Variants in TUSC3 observed in about 807,000 individuals in gnomAD.
TUSC3 encodes the protein tumor suppressor candidate 3, also known as dolichyl-diphosphooligosaccharide--protein glycosyltransferase subunit TUSC3.
TUSC3 carries 45 observed loss-of-function variants against 44.8 expected under a neutral mutation model. The observed-to-expected ratio is 1.00, with a 90% confidence interval of 0.79 to 1.29. TUSC3 has a LOEUF of 1.29. Among genes scored for constraint, TUSC3 ranks in the 50% most tolerant of loss-of-function variants. The pLI, the probability that TUSC3 is intolerant of heterozygous loss-of-function variation, is 0.00. For missense variants in TUSC3, 519 were observed against 437.9 expected, an observed-to-expected ratio of 1.19 and a Z score of -1.65; for synonymous variants, 212 against 152.9, an observed-to-expected ratio of 1.39 and a Z score of -2.85.
At chr8:15,550,290 C>T (rs1027734576) in intron 1 of TUSC3, among the ~76,000 whole-genome samples, 4 of 151,696 alleles carry the variant, frequency 2.6e-5, no homozygotes, top group African/African-American at 9.7e-5. Flanking sequence ...TGGGTGGTCT[C>T]CTCCCTTAAT....
the TUSC3 span, among the ~76,000 whole-genome samples, chr8:15,788,788 C>A: frequency 6.6e-6 from 1 of 152,084 alleles, no homozygotes; most frequent in Admixed American, 6.6e-5. Flanking sequence ...CTGAGAGATG[C>A]TAACATCCTC....
chr8:15,429,583 G>C lies in TUSC3; in HGVS notation n.91+12278G>C, dbSNP rs193216092. 5.3e-5 allele frequency among the ~76,000 whole-genome samples: 8 copies of C among 151,310 alleles called. No individual in the cohort carries two copies. The East Asian group carries it at 1.6e-3, about 29-fold the overall frequency. On this transcript the variant is annotated intron_variant and non_coding_transcript_variant, in intron 1 of 5. Coordinates refer to the TUSC3 transcript ENST00000503191. Reference sequence around the variant, plus strand: ...TGCAGTATGGCCATTTTTTTTTCATGATATTGATTCTTCCTACCCATGAAC... The same window carrying C: ...TGCAGTATGGCCATTTTTTTTTCATCATATTGATTCTTCCTACCCATGAAC...
chr8:15,443,033 C>T (rs374647096), intron 1 of TUSC3, among the ~76,000 whole-genome samples: 1 of 152,218 alleles, frequency 6.6e-6, no homozygotes, highest in Admixed American at 6.5e-5. Context: ...CTTCACTCCA[C>T]TGTGGGCTAT....
intron 2 of TUSC3, among the ~76,000 whole-genome samples, chr8:15,534,163 T>G (rs2129131007): frequency 6.6e-6 from 1 of 152,212 alleles, no homozygotes; most frequent in African/African-American, 2.4e-5. Context: ...TATTTTCCAT[T>G]CACAGCCTTA....
chr8:15,527,560 A>C (rs757766650), intron 2 of TUSC3, among the ~76,000 whole-genome samples: 1 of 152,134 alleles, frequency 6.6e-6, no homozygotes, highest in Non-Finnish European at 1.5e-5. Flanking sequence ...TTATAAAATT[A>C]ATTTGAACTT....
intron 2 of TUSC3, among the ~76,000 whole-genome samples, chr8:15,633,186 C>T (rs1805899048): frequency 6.6e-6 from 1 of 152,120 alleles, no homozygotes; most frequent in South Asian, 2.1e-4. Flanking sequence ...GTGTTTTCTT[C>T]TCTCTTTCCC....
chr8:15,453,928 C>A (rs1480536757), intron 1 of TUSC3, among the ~76,000 whole-genome samples: 1 of 152,128 alleles, frequency 6.6e-6, no homozygotes, highest in African/African-American at 2.4e-5. Context: ...ATTAAGATCT[C>A]AGGAGTTGGG....
At chr8:15,504,261 C>T (rs998662874) in intron 2 of TUSC3, among the ~76,000 whole-genome samples, 5 of 151,872 alleles carry the variant, frequency 3.3e-5, no homozygotes, top group Non-Finnish European at 2.9e-5. Flanking sequence ...AAATAAAGAT[C>T]GCTGGAGATC....
At chr8:15,494,517 C>G (rs1402230999) in intron 2 of TUSC3, among the ~76,000 whole-genome samples, 1 of 152,110 alleles carries the variant, frequency 6.6e-6, no homozygotes, top group Non-Finnish European at 1.5e-5. Context: ...CGGGGTTTCA[C>G]TGTGTTAGCC....
At chr8:15,735,693 T>A (rs1023572607) in intron 7 of TUSC3, among the ~76,000 whole-genome samples, 5 of 152,030 alleles carry the variant, frequency 3.3e-5, no homozygotes, top group African/African-American at 9.7e-5. Context: ...ATATGTTGAT[T>A]TATTTTTTAT....
intron 6 of TUSC3, among the ~76,000 whole-genome samples, chr8:15,697,505 T>C: frequency 6.6e-6 from 1 of 152,182 alleles, no homozygotes; most frequent in South Asian, 2.1e-4. Context: ...TGCCAAGTGC[T>C]GGGGGGTCTA....
At chr8:15,731,992 C>T (rs1810743130) in intron 7 of TUSC3, among the ~76,000 whole-genome samples, 1 of 152,140 alleles carries the variant, frequency 6.6e-6, no homozygotes, top group Non-Finnish European at 1.5e-5. Context: ...AACTCAAAGA[C>T]TTCCTCGTTT....
At chr8:15,808,613 T>C in the TUSC3 span, among the ~76,000 whole-genome samples, 4 of 152,154 alleles carry the variant, frequency 2.6e-5, no homozygotes, top group African/African-American at 9.6e-5. Context: ...GGTAAGAACA[T>C]GGAAGACAGA....
chr8:15,728,834 C>G (rs576718755), intron 6 of TUSC3, among the ~76,000 whole-genome samples: 3 of 152,258 alleles, frequency 2.0e-5, no homozygotes, highest in African/African-American at 7.2e-5. Flanking sequence ...GAACAGCCTT[C>G]TCCTTCCGGA....
chr8:15,630,871 G>T (rs1805731317), intron 2 of TUSC3, among the ~76,000 whole-genome samples: 1 of 152,140 alleles, frequency 6.6e-6, no homozygotes, highest in Admixed American at 6.5e-5. Context: ...TCCTTACAGA[G>T]AGGTCACACC....
At chr8:15,507,419 TTGAAAG>T (rs1243992466) in intron 2 of TUSC3, among the ~76,000 whole-genome samples, 1 of 152,132 alleles carries the variant, frequency 6.6e-6, no homozygotes, top group African/African-American at 2.4e-5. Context: ...AACTGCACAG[TTGAAAG>T]TGGAATATTT....
chr8:15,796,561 C>G, the TUSC3 span, among the ~76,000 whole-genome samples: 1 of 152,170 alleles, frequency 6.6e-6, no homozygotes, highest in Non-Finnish European at 1.5e-5. Flanking sequence ...TTCAACAGCC[C>G]CAGCAGCCTT....
chr8:15,427,750 C>T (rs576508584), intron 1 of TUSC3, among the ~76,000 whole-genome samples: 1 of 152,198 alleles, frequency 6.6e-6, no homozygotes, highest in South Asian at 2.1e-4. Flanking sequence ...GGGTAACTAC[C>T]ACTGCTAACA....
At chr8:15,625,952 A>G (rs192470988) in intron 2 of TUSC3, among the ~76,000 whole-genome samples, 1 of 152,238 alleles carries the variant, frequency 6.6e-6, no homozygotes, top group Non-Finnish European at 1.5e-5. Flanking sequence ...GGGCTAGCAC[A>G]TAAGGATAGA....
Sources: gnomAD v4.1 joint callset for allele counts (sites outside exome capture counted in the v4.1 genomes callset) on GRCh38, gnomAD v4.1.1 for gene constraint, MANE v1.5 for transcripts, NCBI Gene and HGNC (gene_info 2026-07-23, HGNC 2026-07-21) for gene names.